TRIM2: variants seen among roughly 807,000 people sequenced by gnomAD.
The protein encoded by TRIM2 is tripartite motif containing 2.
In TRIM2, 20 loss-of-function variants were observed where a neutral mutation model predicts 75.2. That is an observed-to-expected ratio of 0.27 (90% CI 0.19 to 0.39). The LOEUF (loss-of-function observed/expected upper bound fraction) is 0.39, where lower values mean the gene tolerates loss of function less well. TRIM2 is among the 10% of genes least tolerant of loss of function. The pLI, the probability that TRIM2 is intolerant of heterozygous loss-of-function variation, is 1.00. For missense variants in TRIM2, 660 were observed against 990.8 expected (o/e 0.67, Z 4.48); for synonymous variants, 373 against 388.3 (o/e 0.96, Z 0.46).
At chr4:153,239,834 CTTT>C (rs372940429) in intron 1 of TRIM2, among the ~76,000 whole-genome samples, 3 of 117,690 alleles carry the variant, frequency 2.5e-5, no homozygotes, top group Admixed American at 1.9e-4. Context: ...CTTTCTTTCT[CTTT>C]TTTTTTTTTT....
chr4:153,243,933 C>T (rs1747406656), intron 1 of TRIM2, among the ~76,000 whole-genome samples: 1 of 151,738 alleles, frequency 6.6e-6, no homozygotes, highest in South Asian at 2.1e-4. Flanking sequence ...ACCCTCCTGC[C>T]TCAGCCTCCC....
At chr4:153,256,937 T>A (rs1320515219) in intron 1 of TRIM2, among the ~76,000 whole-genome samples, 2 of 141,314 alleles carry the variant, frequency 1.4e-5, no homozygotes, top group African/African-American at 2.6e-5. Flanking sequence ...TTTTTGCATT[T>A]AAAAAAATTA....
intron 3 of TRIM2, among the ~76,000 whole-genome samples, chr4:153,285,901 C>A (rs72967117): frequency 0.021 from 3,168 of 152,206 alleles, 65 homozygotes; most frequent in African/African-American, 0.053. Flanking sequence ...CTGGTCAGCA[C>A]CTTCAGTACA....
At chr4:153,215,872 G>T (rs1738345469) in intron 1 of TRIM2, among the ~76,000 whole-genome samples, 1 of 151,932 alleles carries the variant, frequency 6.6e-6, no homozygotes, top group Admixed American at 6.6e-5. Context: ...CCTTTTATTT[G>T]TTTTTTCATC....
At chr4:153,269,633 A>G (rs1426270826) in intron 1 of TRIM2, among the ~76,000 whole-genome samples, 1 of 152,236 alleles carries the variant, frequency 6.6e-6, no homozygotes, top group Non-Finnish European at 1.5e-5. Context: ...CAATAAGAAT[A>G]TGAAAGGTAA....
chr4:153,280,168 C>T (rs1026110129), intron 3 of TRIM2, among the ~76,000 whole-genome samples: 2 of 130,526 alleles, frequency 1.5e-5, no homozygotes, highest in African/African-American at 5.8e-5. Flanking sequence ...AAGAAAAGAA[C>T]AGAAATATCT....
chr4:153,219,847 G>A lies in TRIM2; in HGVS notation c.30+15287G>A, dbSNP rs140094700. Among the ~76,000 whole-genome samples the A allele has an allele frequency of 8.0e-3, 1,217 of 152,180 alleles. 13 individuals carry two copies. Among genetic ancestry groups the A allele is most frequent in the Non-Finnish European group, 0.012 (811 of 68,020 alleles). On this transcript the variant is annotated intron_variant, in intron 1 of 11. Transcript: ENST00000338700. ...TGTGCCACTGCACCCTAGCTTCGGT[G>A]ACAGAGTCAGATCCTGTCTCGAAAA...
At chr4:153,288,002 G>A (rs561299138) in intron 3 of TRIM2, among the ~76,000 whole-genome samples, 38 of 152,042 alleles carry the variant, frequency 2.5e-4, no homozygotes, top group Non-Finnish European at 4.4e-5. Context: ...CTGGTAATGT[G>A]TTAATTTTTC....
chr4:153,198,132 A>G (rs1391519604), intron 1 of TRIM2, among the ~76,000 whole-genome samples: 2 of 152,224 alleles, frequency 1.3e-5, no homozygotes, highest in African/African-American at 4.8e-5. Context: ...TTATTTTAAA[A>G]AAGAAATTAA....
rs541351232 is a variant in TRIM2 at position 153,205,494 on chromosome 4, A to C, written c.30+934A>C. On this transcript the variant is annotated intron_variant, in intron 1 of 11. Transcript: ENST00000338700. ...CATCTCGAGTCCTGGGAGTTGCTTT[A>C]GAAAGTCCTCCTCCTCCTGCTGAAA... 3.9e-5 allele frequency among the ~76,000 whole-genome samples: 6 copies of C among 152,116 alleles called. No individual in the cohort carries two copies. The South Asian group carries it at 1.2e-3, about 32-fold the overall frequency.
chr4:153,201,198 A>T (rs1734328685), upstream of TRIM2, among the ~76,000 whole-genome samples: 1 of 152,264 alleles, frequency 6.6e-6, no homozygotes, highest in East Asian at 1.9e-4. Context: ...TTTTGACCTC[A>T]GATGATCCAC....
chr4:153,201,058 G>T (rs974272815), upstream of TRIM2, among the ~76,000 whole-genome samples: 7 of 152,034 alleles, frequency 4.6e-5, no homozygotes, highest in Admixed American at 4.6e-4. Context: ...CCACCTCCTG[G>T]GTTCAAGCAA....
intron 1 of TRIM2, among the ~76,000 whole-genome samples, chr4:153,255,535 T>C (rs1289261410): frequency 6.6e-6 from 1 of 152,204 alleles, no homozygotes; most frequent in Admixed American, 6.5e-5. Context: ...TCTGATGGCC[T>C]GTCTTAGGCT....
intron 6 of TRIM2, among the ~76,000 whole-genome samples, chr4:153,313,237 G>A (rs1422125042): frequency 7.2e-5 from 11 of 152,230 alleles, no homozygotes; most frequent in South Asian, 2.1e-4. Flanking sequence ...TATGTGGGTC[G>A]TGTATTGAAG....
At chr4:153,206,736 G>A (rs1277150856) in intron 1 of TRIM2, among the ~76,000 whole-genome samples, 1 of 152,178 alleles carries the variant, frequency 6.6e-6, no homozygotes, top group Non-Finnish European at 1.5e-5. Context: ...GAAAGGGGCT[G>A]AAAGTTCCAA....
chr4:153,178,261 G>T (rs12646943), intron 1 of TRIM2, among the ~76,000 whole-genome samples: 1 of 152,056 alleles, frequency 6.6e-6, no homozygotes, highest in Non-Finnish European at 1.5e-5. Context: ...GCAGGCTGTA[G>T]GTTCCGTAAC....
intron 1 of TRIM2, among the ~76,000 whole-genome samples, chr4:153,161,885 A>G (rs1157333674): frequency 6.6e-6 from 1 of 152,214 alleles, no homozygotes; most frequent in African/African-American, 2.4e-5. Flanking sequence ...AAGTTGCAAT[A>G]TTTCACTGGA....
At chr4:153,221,503 C>T (rs1351125513) in intron 1 of TRIM2, among the ~76,000 whole-genome samples, 1 of 152,190 alleles carries the variant, frequency 6.6e-6, no homozygotes, top group Admixed American at 6.5e-5. Flanking sequence ...CTTCTATGTT[C>T]CTATAACCCT....
intron 6 of TRIM2, among the ~76,000 whole-genome samples, chr4:153,302,024 AT>A (rs1477540450): frequency 2.0e-4 from 30 of 152,240 alleles, no homozygotes; most frequent in Non-Finnish European, 2.9e-5. Context: ...AAAAAATGTC[AT>A]TGATATTTTG....
Sources: allele counts gnomAD v4.1 joint callset (sites outside exome capture counted in the v4.1 genomes callset), GRCh38; gene constraint gnomAD v4.1.1; transcripts MANE v1.5; gene names NCBI Gene and HGNC (gene_info 2026-07-23, HGNC 2026-07-21).